Variants in PHLDB2 observed in about 807,000 individuals in gnomAD.
The protein encoded by PHLDB2 is pleckstrin homology-like domain family B member 2.
Under a neutral mutation model 123.6 loss-of-function variants are expected in PHLDB2, and 71 were observed. That is an observed-to-expected ratio of 0.57 (90% CI 0.47 to 0.70). The LOEUF (loss-of-function observed/expected upper bound fraction) is 0.70. Ranked by LOEUF, PHLDB2 falls within the 30% of genes least tolerant of loss-of-function variation. The probability of loss-of-function intolerance (pLI) is 0.00; values close to 1 mark genes in which losing one functional copy is unlikely to be tolerated. For missense variants in PHLDB2, 1,446 were observed against 1,519.5 expected, an observed-to-expected ratio of 0.95 and a Z score of 0.80; for synonymous variants, 547 against 541.6, an observed-to-expected ratio of 1.01 and a Z score of -0.14.
chr3:111,740,699 C>T (rs1274138992), intron 1 of PHLDB2, among the ~76,000 whole-genome samples: 1 of 97,242 alleles, frequency 1.0e-5, no homozygotes, highest in Non-Finnish European at 2.0e-5. Flanking sequence ...TAACAATCAC[C>T]AAAAGTCACC....
intron 5 of PHLDB2, among the ~76,000 whole-genome samples, chr3:111,926,893 A>T (rs2068841959): frequency 6.6e-6 from 1 of 152,234 alleles, no homozygotes. Flanking sequence ...TGGAAATGTC[A>T]TATAATATAC....
intron 1 of PHLDB2, among the ~76,000 whole-genome samples, chr3:111,798,001 G>A (rs528747143): frequency 9.2e-5 from 14 of 152,260 alleles, no homozygotes; most frequent in African/African-American, 3.4e-4. Flanking sequence ...AAGTGTAATG[G>A]TGCATGCTAG....
chr3:111,932,811 T>C (rs1460838941), intron 6 of PHLDB2, among the ~76,000 whole-genome samples: 3 of 152,220 alleles, frequency 2.0e-5, no homozygotes, highest in Non-Finnish European at 4.4e-5. Context: ...GATTATCCTA[T>C]TTTCTGATTT....
chr3:111,784,916 TATG>T (rs2060622068), intron 1 of PHLDB2, among the ~76,000 whole-genome samples: 2 of 152,308 alleles, frequency 1.3e-5, no homozygotes, highest in African/African-American at 4.8e-5. Flanking sequence ...TAAGTAGTGC[TATG>T]ATAAGACTCT....
chr3:111,919,793 A>G (rs2068383531), intron 4 of PHLDB2, among the ~76,000 whole-genome samples: 1 of 152,248 alleles, frequency 6.6e-6, no homozygotes, highest in African/African-American at 2.4e-5. Flanking sequence ...CTGTCCTTAC[A>G]GATGATACCA....
At chr3:111,875,625 C>T (rs1413898958) in intron 1 of PHLDB2, among the ~76,000 whole-genome samples, 1 of 151,024 alleles carries the variant, frequency 6.6e-6, no homozygotes, top group East Asian at 2.0e-4. Flanking sequence ...GAGTTAGAGA[C>T]CAGCTTGGCA....
intron 2 of PHLDB2, chr3:111,911,665 G>T (rs781520948): frequency 3.3e-6 from 5 of 1,536,208 alleles, no homozygotes. Context: ...CCTGCCGTGG[G>T]AAGAGGCCAT....
intron 2 of PHLDB2, among the ~76,000 whole-genome samples, chr3:111,909,133 A>AC (rs1489890695): frequency 1.3e-5 from 2 of 152,008 alleles, no homozygotes; most frequent in African/African-American, 2.4e-5. Context: ...TGCCCTGCCC[A>AC]CCCCACTGTC....
intron 1 of PHLDB2, among the ~76,000 whole-genome samples, chr3:111,883,411 T>G (rs1017757547): frequency 2.0e-5 from 3 of 152,086 alleles, no homozygotes; most frequent in Non-Finnish European, 4.4e-5. Context: ...CAGTTTCAGG[T>G]TTTTAAATAT....
chr3:111,741,378 C>T (rs1266180481), intron 1 of PHLDB2, among the ~76,000 whole-genome samples: 1 of 152,196 alleles, frequency 6.6e-6, no homozygotes, highest in Non-Finnish European at 1.5e-5. Context: ...CCATGCTTCA[C>T]TGCCCACTAG....
At chr3:111,956,964 C>T (rs2071096204) in intron 12 of PHLDB2, 1 of 152,216 alleles carries the variant, frequency 6.6e-6, no homozygotes, top group African/African-American at 2.4e-5. Context: ...TTTAAACTTA[C>T]ACAATTAACT....
At chr3:111,879,078 G>C (rs555877316) in intron 1 of PHLDB2, among the ~76,000 whole-genome samples, 2 of 152,292 alleles carry the variant, frequency 1.3e-5, no homozygotes, top group South Asian at 2.1e-4. Flanking sequence ...AAATGAGTTA[G>C]GGAGCATTTC....
rs757467411 is a variant in PHLDB2 at position 111,948,985 on chromosome 3, A to G, written c.2541A>G (p.Leu847=). The G allele has an allele frequency of 1.9e-6, 3 of 1,614,012 alleles. No individual in the cohort carries two copies. Among genetic ancestry groups the G allele is most frequent in the Admixed American group, 1.7e-5 (1 of 60,010 alleles). The change falls in exon 10 of 18, where the codon CTA becomes CTG. Residue 847 remains leucine (L), a synonymous_variant. Transcript: ENST00000431670. The part of the protein sequence containing the change: ...INEPCGNSTN[L]SPSTQFPADA... ...AGCCGTGTGGCAATTCCACGAATCT[A>G]TCCCCTTCCACTCAGTTTCCTGCTG...
In PHLDB2 at chr3:111,765,117, C is replaced by T. The variant is rs111458403; in HGVS notation, c.-49+32414C>T. Among the ~76,000 whole-genome samples the T allele has an allele frequency of 5.6e-4, 86 of 152,272 alleles. 1 individual carries two copies. Among genetic ancestry groups the T allele is most frequent in the Admixed American group, 1.4e-3 (22 of 15,302 alleles). On this transcript the variant is annotated intron_variant, in intron 1 of 17. Transcript: ENST00000393923. ...TTGGCTTCCAAGGAGTATTAGAGTT[C>T]AACAAATTCTCATTCTCAATAGGCA... is the stretch of plus-strand genomic sequence containing the variant.
chr3:111,788,277 G>A (rs976271359), intron 1 of PHLDB2, among the ~76,000 whole-genome samples: 1 of 152,170 alleles, frequency 6.6e-6, no homozygotes, highest in Non-Finnish European at 1.5e-5. Context: ...TCCTATGAAT[G>A]CCATGGGGTT....
rs761190956 is a variant in PHLDB2, at chr3:111,962,175, T to A, written c.2940T>A (p.Ser980=). ...QKSEFYNRTA[S]ESNVYLNSFH... The stretch of plus-strand genomic sequence containing the variant: ...CTGAATTTTATAACCGCACAGCATC[T>A]GAATCAAATGTCTACTTGAATAGTT... Residue 980 remains serine (S), a synonymous_variant, in exon 13 of 18, where the codon TCT becomes TCA. Transcript: ENST00000431670. 1.5e-5 allele frequency: 23 copies of A among 1,584,200 alleles called. No homozygotes were observed. The highest frequency in any genetic ancestry group is 1.1e-4 in the East Asian group (5 of 44,418).
chr3:111,810,690 G>A (rs773122251), intron 1 of PHLDB2, among the ~76,000 whole-genome samples: 6 of 152,044 alleles, frequency 3.9e-5, no homozygotes, highest in African/African-American at 7.2e-5. Flanking sequence ...ACGCTATTCC[G>A]TCCATAGCAA....
intron 1 of PHLDB2, among the ~76,000 whole-genome samples, chr3:111,762,813 A>G (rs2060017486): frequency 1.3e-5 from 2 of 152,136 alleles, no homozygotes; most frequent in African/African-American, 4.8e-5. Flanking sequence ...CTTCATGTGC[A>G]AAAAAGAAGC....
At chr3:111,894,296 A>C (rs1428190137) in intron 2 of PHLDB2, among the ~76,000 whole-genome samples, 1 of 151,800 alleles carries the variant, frequency 6.6e-6, no homozygotes, top group Non-Finnish European at 1.5e-5. Flanking sequence ...ACATTTTCTT[A>C]ATCCAGTCTA....
Sources: allele counts gnomAD v4.1 joint callset (sites outside exome capture counted in the v4.1 genomes callset), GRCh38; gene constraint gnomAD v4.1.1; transcripts MANE v1.5; gene names NCBI Gene and HGNC (gene_info 2026-07-23, HGNC 2026-07-21).